SOCS4: variants seen among roughly 807,000 people sequenced by gnomAD.
SOCS4 encodes SH2 domain containing SOCS box protein.
Under a neutral mutation model 34.1 loss-of-function variants are expected in SOCS4, and 20 were observed. The observed-to-expected ratio is 0.59, with a 90% CI of 0.41 to 0.85. SOCS4 has a LOEUF of 0.85. Among genes scored for constraint, SOCS4 ranks in the 40% least tolerant of loss-of-function variants. SOCS4 has a pLI of 0.00. For missense variants in SOCS4, 479 were observed against 532.4 expected (o/e 0.90, Z 0.99); for synonymous variants, 180 against 186.4 (o/e 0.97, Z 0.28).
At chr14:55,029,848 T>C (rs2042512833) in intron 1 of SOCS4, among the ~76,000 whole-genome samples, 1 of 152,198 alleles carries the variant, frequency 6.6e-6, no homozygotes, top group East Asian at 1.9e-4. Context: ...GTATGTATAC[T>C]TAATATGATA....
intron 1 of SOCS4, among the ~76,000 whole-genome samples, chr14:55,031,052 G>A (rs1353169841): frequency 6.6e-6 from 1 of 152,018 alleles, no homozygotes; most frequent in Non-Finnish European, 1.5e-5. Context: ...AATGGTCCAT[G>A]TATTATACAA....
intron 2 of SOCS4, among the ~76,000 whole-genome samples, chr14:55,041,540 G>A (rs1447878198): frequency 6.6e-6 from 1 of 151,194 alleles, no homozygotes; most frequent in Non-Finnish European, 1.5e-5. Flanking sequence ...GCGCAGAGGT[G>A]CGATCTCAGC....
At chr14:55,033,029 ACCTAGG>A (rs1437056249) in intron 2 of SOCS4, among the ~76,000 whole-genome samples, 3 of 152,090 alleles carry the variant, frequency 2.0e-5, no homozygotes, top group Non-Finnish European at 4.4e-5. Context: ...TGATCCACCC[ACCTAGG>A]CCTCCCAAAG....
intron 2 of SOCS4, among the ~76,000 whole-genome samples, chr14:55,040,802 T>C (rs8008134): frequency 0.51 from 78,044 of 151,844 alleles, 21,832 homozygotes; most frequent in African/African-American, 0.74. Flanking sequence ...ATTTTTTCCT[T>C]GAATATTTTC....
intron 2 of SOCS4, among the ~76,000 whole-genome samples, chr14:55,033,877 A>G (rs1317950082): frequency 2.0e-5 from 3 of 152,254 alleles, no homozygotes; most frequent in African/African-American, 7.2e-5. Context: ...GCATGCCTGT[A>G]ATTCCAGCAC....
At position 55,047,938 on chromosome 14, in the gene SOCS4, GA is replaced by G. The variant is rs1402246592; in HGVS notation, c.*3575del. The G allele has an allele frequency of 6.0e-6, 1 of 165,942 alleles. No individual in the cohort carries two copies. Among genetic ancestry groups the G allele is most frequent in the Non-Finnish European group, 1.5e-5 (1 of 67,888 alleles). 10.3% of individuals were successfully genotyped at this position (165,942 alleles called of 1,614,324 possible). ...AAAACCTTGAGATCTCTTTTTTTTT[GA>G]GACAGAGTCTCGCTGTTGTCAGCCC... On this transcript the variant is annotated 3_prime_UTR_variant, in exon 3 of 3. Transcript: ENST00000555846.
intron 1 of SOCS4, among the ~76,000 whole-genome samples, chr14:55,030,031 A>G (rs892410367): frequency 4.6e-5 from 7 of 152,168 alleles, no homozygotes; most frequent in Non-Finnish European, 7.4e-5. Context: ...GTTGTGATTT[A>G]TCTAGTCTTT....
In SOCS4 at chr14:55,048,965, A is replaced by G. The variant is rs1476315876; in HGVS notation, c.*4601A>G. 2 of 167,002 alleles carry G rather than the reference A, an allele frequency of 1.2e-5. No individual in the cohort carries two copies. The highest frequency in any genetic ancestry group is 2.9e-5 in the Non-Finnish European group (2 of 68,114). The allele number at this position is 167,002 out of a possible 1,614,324, so 10.3% of individuals were successfully genotyped here. A position where few individuals can be genotyped will look rare whatever the true frequency, so the allele number is the denominator to read the frequency against. ...ATTACATTCACTTCTCTTAGACTGT[A>G]AAAGACTTTCTTGACTTGTTTTAAC... On this transcript the variant is annotated 3_prime_UTR_variant, in exon 3 of 3. Transcript: ENST00000555846.
intron 2 of SOCS4, among the ~76,000 whole-genome samples, chr14:55,033,523 ATTG>A (rs1473728854): frequency 1.3e-5 from 2 of 152,322 alleles, no homozygotes; most frequent in South Asian, 2.1e-4. Flanking sequence ...TTTCTCAGTA[ATTG>A]TTAAGATGTT....
intron 2 of SOCS4, among the ~76,000 whole-genome samples, chr14:55,042,372 A>T (rs2042628298): frequency 6.6e-6 from 1 of 152,216 alleles, no homozygotes; most frequent in Admixed American, 6.5e-5. Flanking sequence ...TGAGTTTAAA[A>T]CACTGTATTG....
intron 2 of SOCS4, among the ~76,000 whole-genome samples, chr14:55,041,526 T>A (rs1173908585): frequency 1.3e-5 from 2 of 151,954 alleles, no homozygotes; most frequent in Non-Finnish European, 2.9e-5. Flanking sequence ...TCACCCAGGC[T>A]GGAGCGCAGA....
At chr14:55,039,619 C>T (rs973283815) in intron 2 of SOCS4, among the ~76,000 whole-genome samples, 14 of 152,206 alleles carry the variant, frequency 9.2e-5, no homozygotes, top group Admixed American at 6.5e-5. Context: ...AGAGGCCAGG[C>T]GCGATGGCGC....
At chr14:55,037,881 T>C (rs1413857212) in intron 2 of SOCS4, among the ~76,000 whole-genome samples, 1 of 152,246 alleles carries the variant, frequency 6.6e-6, no homozygotes, top group Non-Finnish European at 1.5e-5. Flanking sequence ...TTCTACTCTT[T>C]CCATGGTTAT....
At position 55,045,670 on chromosome 14, in the gene SOCS4, G is replaced by A. The variant is rs1348330046; in HGVS notation, c.*1306G>A. 1 of 166,750 alleles carries A rather than the reference G, an allele frequency of 6.0e-6. No homozygotes were observed. Among genetic ancestry groups the A allele is most frequent in the African/African-American group, 2.4e-5 (1 of 41,402 alleles). 10.3% of individuals were successfully genotyped at this position (166,750 alleles called of 1,614,324 possible). ...AGTAACTAGTAAAAATAAATGGAGT[G>A]GTATCCTATCTTCTTTTTTTAAGGA... On this transcript the variant is annotated 3_prime_UTR_variant, in exon 3 of 3. Transcript: ENST00000555846.
intron 2 of SOCS4, among the ~76,000 whole-genome samples, chr14:55,042,558 C>G (rs968437963): frequency 6.6e-6 from 1 of 152,186 alleles, no homozygotes; most frequent in Non-Finnish European, 1.5e-5. Flanking sequence ...AGATTTGTGT[C>G]TGTCTTCTAC....
At chr14:55,042,705 C>G (rs1319048114) in intron 2 of SOCS4, among the ~76,000 whole-genome samples, 2 of 152,134 alleles carry the variant, frequency 1.3e-5, no homozygotes, top group Non-Finnish European at 2.9e-5. Context: ...TTTTTCTTAT[C>G]CACACTGAAA....
In SOCS4 at chr14:55,027,340, T is replaced by C; in HGVS notation, c.-351T>C. ...GGGTTGGGGGTGGCAGAAAAGCATC[T>C]GCTTTGTAAGACCTACACGAGGTGC... is the stretch of plus-strand genomic sequence containing the variant. On this transcript the variant is annotated 5_prime_UTR_variant, in exon 1 of 3. Coordinates refer to ENST00000555846, the MANE Select transcript of SOCS4 (RefSeq NM_199421.2). The C allele has an allele frequency of 6.8e-5, 12 of 177,078 alleles. No individual in the cohort carries two copies. The highest frequency in any genetic ancestry group is 3.9e-4 in the South Asian group (3 of 7,706). The allele number at this position is 177,078 out of a possible 1,614,324, so 11.0% of individuals were successfully genotyped here.
chr14:55,032,626 C>A (rs557008236), intron 2 of SOCS4, among the ~76,000 whole-genome samples: 1 of 152,152 alleles, frequency 6.6e-6, no homozygotes, highest in Admixed American at 6.5e-5. Flanking sequence ...GCCAAAGCAG[C>A]CTTTTCCCAA....
In SOCS4 at chr14:55,049,344, A is replaced by G. The variant is rs566326767; in HGVS notation, c.*4980A>G. 1 of 167,196 alleles carries G rather than the reference A, an allele frequency of 6.0e-6. No individual in the cohort carries two copies. The highest frequency in any genetic ancestry group is 1.9e-4 in the East Asian group (1 of 5,188). The allele number at this position is 167,196 out of a possible 1,614,324, so 10.4% of individuals were successfully genotyped here. On this transcript the variant is annotated 3_prime_UTR_variant, in exon 3 of 3. Transcript: ENST00000555846. ...CTCATCAGTCAGGCTTGTATGATCT[A>G]TTCCTTACCACAAAAGAAGTAGACA...
Sources: gnomAD v4.1 joint callset for allele counts (sites outside exome capture counted in the v4.1 genomes callset) on GRCh38, gnomAD v4.1.1 for gene constraint, MANE v1.5 for transcripts, NCBI Gene and HGNC (gene_info 2026-07-23, HGNC 2026-07-21) for gene names.